Variants in CCR6 observed in about 807,000 individuals in gnomAD.
The protein encoded by CCR6 is C-C motif chemokine receptor 6.
A neutral mutation model predicts 3.0 loss-of-function variants in CCR6; 2 were observed. That is an observed-to-expected ratio of 0.66 (90% CI 0.27 to 2.07). CCR6 has a LOEUF of 2.07. Among genes scored for constraint, CCR6 ranks in the 30% most tolerant of loss-of-function variants. CCR6 has a pLI of 0.14. For missense variants in CCR6, 322 were observed against 462.8 expected (o/e 0.70, Z 2.79); for synonymous variants, 193 against 184.3 (o/e 1.05, Z -0.38).
chr6:167,119,084 G>C (rs1781545411), upstream of CCR6: 1 of 152,542 alleles, frequency 6.6e-6, no homozygotes, highest in Non-Finnish European at 1.5e-5. Context: ...CTGAGGGCTG[G>C]TGCCCCCACC....
intron 1 of CCR6, among the ~76,000 whole-genome samples, chr6:167,114,442 A>C (rs1048400706): frequency 2.0e-5 from 3 of 152,226 alleles, no homozygotes; most frequent in African/African-American, 7.2e-5. Flanking sequence ...CCCAGAACCT[A>C]CATTTGAACC....
chr6:167,138,047 G>A lies in CCR6; in HGVS notation c.*692G>A, dbSNP rs980318764. 6.6e-6 allele frequency: 1 copy of A among 152,394 alleles called. No homozygotes were observed. The highest frequency in any genetic ancestry group is 1.5e-5 in the Non-Finnish European group (1 of 68,106). The allele number at this position is 152,394 out of a possible 1,614,324, so 9.4% of individuals were successfully genotyped here. ...CAGCTCAGGTTGTAGTGGGCCATTAGGAAACTGTCGGTTTGCTTTGATTTC... is the reference window on the plus strand; with the variant it reads ...CAGCTCAGGTTGTAGTGGGCCATTAAGAAACTGTCGGTTTGCTTTGATTTC... On this transcript the variant is annotated 3_prime_UTR_variant, in exon 3 of 3. Coordinates refer to ENST00000341935, the MANE Select transcript of CCR6 (RefSeq NM_031409.4).
At chr6:167,134,828 A>T (rs916777358) in intron 1 of CCR6, 2 of 152,252 alleles carry the variant, frequency 1.3e-5, no homozygotes, top group Admixed American at 1.3e-4. Flanking sequence ...CAGGCCATGG[A>T]TTTTACTGGG....
upstream of CCR6, among the ~76,000 whole-genome samples, chr6:167,120,527 G>A (rs367604579): frequency 5.9e-5 from 9 of 152,104 alleles, no homozygotes; most frequent in South Asian, 4.1e-4. Flanking sequence ...AAGGAGAAAC[G>A]GTCATGGTGA....
chr6:167,138,037 T>C lies in CCR6; in HGVS notation c.*682T>C, dbSNP rs1037536754. The C allele has an allele frequency of 1.9e-4, 29 of 152,486 alleles. No individual in the cohort carries two copies. Among genetic ancestry groups the C allele is most frequent in the African/African-American group, 6.3e-4 (26 of 41,458 alleles). The allele number at this position is 152,486 out of a possible 1,614,324, so 9.4% of individuals were successfully genotyped here. On this transcript the variant is annotated 3_prime_UTR_variant, in exon 3 of 3. Coordinates refer to ENST00000341935, the MANE Select transcript of CCR6 (RefSeq NM_031409.4). ...TTGGATAAAGCAGCTCAGGTTGTAG[T>C]GGGCCATTAGGAAACTGTCGGTTTG...
intron 1 of CCR6, among the ~76,000 whole-genome samples, chr6:167,129,985 T>G (rs977788240): frequency 6.6e-6 from 1 of 151,824 alleles, no homozygotes; most frequent in Non-Finnish European, 1.5e-5. Context: ...AAACTCCTCC[T>G]CCAAAGAACA....
At chr6:167,133,735 C>T (rs1781803821) in intron 1 of CCR6, among the ~76,000 whole-genome samples, 1 of 151,258 alleles carries the variant, frequency 6.6e-6, no homozygotes, top group African/African-American at 2.4e-5. Context: ...TAAATTTGAA[C>T]ATGAAATGTC....
chr6:167,131,012 CTTCTGGGACCCCCA>C (rs1781754619), intron 1 of CCR6, among the ~76,000 whole-genome samples: 2 of 139,378 alleles, frequency 1.4e-5, no homozygotes, highest in African/African-American at 2.6e-5. Context: ...GGGACCCCTC[CTTCTGGGACCCCCA>C]TCCCTCTGGA....
chr6:167,127,555 A>C (rs959345236), intron 1 of CCR6, among the ~76,000 whole-genome samples: 4 of 152,264 alleles, frequency 2.6e-5, no homozygotes, highest in Non-Finnish European at 4.4e-5. Flanking sequence ...CCTAAATTGA[A>C]GTATGCATTA....
intron 1 of CCR6, among the ~76,000 whole-genome samples, chr6:167,130,941 GC>G (rs1211090381): frequency 1.6e-3 from 233 of 150,052 alleles, no homozygotes; most frequent in Middle Eastern, 3.4e-3. Context: ...CACCCTCTGG[GC>G]CCCCCTCCCT....
At chr6:167,129,016 T>G (rs1781712975) in intron 1 of CCR6, among the ~76,000 whole-genome samples, 1 of 152,222 alleles carries the variant, frequency 6.6e-6, no homozygotes, top group Non-Finnish European at 1.5e-5. Flanking sequence ...TTAGGCTTCT[T>G]GACATCTTCA....
upstream of CCR6, among the ~76,000 whole-genome samples, chr6:167,118,002 T>C (rs1435750402): frequency 6.6e-6 from 1 of 151,232 alleles, no homozygotes; most frequent in African/African-American, 2.4e-5. Flanking sequence ...ACCTATCCTC[T>C]GGCCACTTCT....
At chr6:167,124,760 C>A (rs117693715) in intron 1 of CCR6, among the ~76,000 whole-genome samples, 4,361 of 152,052 alleles carry the variant, frequency 0.029, 101 homozygotes, top group Non-Finnish European at 0.048. Context: ...GATTCTAATG[C>A]CTAGCAGGTA....
chr6:167,136,507 A>G lies in CCR6; in HGVS notation c.277A>G (p.Ile93Val), dbSNP rs1208077307. The G allele has an allele frequency of 6.3e-7, 1 of 1,589,918 alleles. No individual in the cohort carries two copies. The highest frequency in any genetic ancestry group is 1.3e-5 in the African/African-American group (1 of 74,512). Residue 93 changes from isoleucine (I) to valine (V), a missense_variant, in exon 3 of 3, where the codon ATC (isoleucine) becomes GTC (valine). By Grantham distance (29) the Ile-to-Val change is conservative. Coordinates refer to ENST00000341935, the MANE Select transcript of CCR6 (RefSeq NM_031409.4). This position sits in a 1 kb window ranked among gnomAD's most constrained non-coding sequence, Gnocchi z 4.6. ...VYLLNMAIAD[I>V]LFVLTLPFWA... Reference sequence around the variant, plus strand: ...TCTCTTGAACATGGCCATTGCAGACATCCTCTTTGTTCTTACTCTCCCATT... The same window carrying G: ...TCTCTTGAACATGGCCATTGCAGACGTCCTCTTTGTTCTTACTCTCCCATT...
intron 1 of CCR6, among the ~76,000 whole-genome samples, chr6:167,128,673 G>T (rs1036722714): frequency 2.0e-5 from 3 of 152,218 alleles, no homozygotes; most frequent in African/African-American, 7.2e-5. Flanking sequence ...CCAGGTTCAA[G>T]TGATTCTCTT....
intron 1 of CCR6, among the ~76,000 whole-genome samples, chr6:167,114,126 G>A (rs576192716): frequency 6.6e-6 from 1 of 152,180 alleles, no homozygotes; most frequent in Non-Finnish European, 1.5e-5. Flanking sequence ...TTCGGCAGCC[G>A]GCGCATGACC....
chr6:167,130,988 G>GGACC lies in CCR6; in HGVS notation c.-97-5050_-97-5049insGACC, dbSNP rs1562559648. Among the ~76,000 whole-genome samples, 4 of 118,068 alleles carry GGACC rather than the reference G, an allele frequency of 3.4e-5. No individual in the cohort carries two copies. In the East Asian group the frequency reaches 6.6e-4, roughly 19 times the overall value. 77.5% of individuals were successfully genotyped at this position (118,068 alleles called of 152,430 possible). On this transcript the variant is annotated intron_variant, in intron 1 of 2. Coordinates refer to ENST00000341935, the MANE Select transcript of CCR6 (RefSeq NM_031409.4). ...TCCCTCTGGGACCACCCTCCCTCTG[G>GGACC]ACCCCCTCCCTTTGGGACCCCTCCT...
chr6:167,135,941 TCTGTTCAC>T, intron 1 of CCR6, 89 bp from the exon 2 acceptor site: 1 of 629,244 alleles, frequency 1.6e-6, no homozygotes, highest in Non-Finnish European at 2.8e-6. Flanking sequence ...TGCTGTGCAC[TCTGTTCAC>T]ACGAGATGGA....
chr6:167,114,685 G>A (rs540665145), intron 1 of CCR6, among the ~76,000 whole-genome samples: 1 of 152,336 alleles, frequency 6.6e-6, no homozygotes, highest in East Asian at 1.9e-4. Context: ...ACGTCACCGT[G>A]CACACGTCAC....
Sources: gnomAD v4.1 joint callset for allele counts (sites outside exome capture counted in the v4.1 genomes callset) on GRCh38, gnomAD v4.1.1 for gene constraint, Gnocchi (gnomAD v3.1) non-coding constraint, MANE v1.5 for transcripts, NCBI Gene and HGNC (gene_info 2026-07-23, HGNC 2026-07-21) for gene names.